PSKH1: variants seen among roughly 807,000 people sequenced by gnomAD.
PSKH1 encodes protein serine kinase H1.
In PSKH1, 12 loss-of-function variants were observed where a neutral mutation model predicts 26.7. That is an observed-to-expected ratio of 0.45 (90% CI 0.29 to 0.73). The LOEUF (loss-of-function observed/expected upper bound fraction) is 0.73. Among genes scored for constraint, PSKH1 ranks in the 30% least tolerant of loss-of-function variants. PSKH1 has a pLI of 0.11. For missense variants in PSKH1, 431 were observed against 595.2 expected, an observed-to-expected ratio of 0.72 and a Z score of 2.87; for synonymous variants, 213 against 234.3, an observed-to-expected ratio of 0.91 and a Z score of 0.83.
rs188399623 is a variant in PSKH1 at position 67,919,950 on chromosome 16, C to T, written c.958-7375C>T. On this transcript the variant is annotated intron_variant, in intron 2 of 2. Coordinates refer to ENST00000291041, the MANE Select transcript of PSKH1 (RefSeq NM_006742.3). ...CTGTAGTGGCAGGAGCAGACCCACC[C>T]GCCACGCTGCTGCATTCAGCCGTTC... 6.7e-3 allele frequency among the ~76,000 whole-genome samples: 1,016 copies of T among 152,318 alleles called. 6 individuals carry two copies. Among genetic ancestry groups the T allele is most frequent in the Non-Finnish European group, 0.011 (725 of 68,022 alleles).
intron 2 of PSKH1, among the ~76,000 whole-genome samples, chr16:67,918,372 G>T (rs2058193304): frequency 6.6e-6 from 1 of 151,942 alleles, no homozygotes; most frequent in Non-Finnish European, 1.5e-5. Flanking sequence ...AGGTGGGCTT[G>T]GGTAGAATTT....
chr16:67,915,081 C>T (rs890102300), intron 2 of PSKH1, among the ~76,000 whole-genome samples: 1 of 152,046 alleles, frequency 6.6e-6, no homozygotes, highest in Non-Finnish European at 1.5e-5. Flanking sequence ...GGTTCCTGCC[C>T]GCTCCTACTG....
At chr16:67,910,429 C>A (rs1447265550) in intron 2 of PSKH1, among the ~76,000 whole-genome samples, 2 of 152,208 alleles carry the variant, frequency 1.3e-5, no homozygotes, top group Non-Finnish European at 2.9e-5. Flanking sequence ...CCAGTTTCAC[C>A]ACACAATGAG....
intron 2 of PSKH1, chr16:67,910,104 TG>T: frequency 7.4e-6 from 3 of 404,500 alleles, no homozygotes; most frequent in Non-Finnish European, 1.3e-5. Flanking sequence ...CTTTTTGTTT[TG>T]TTTTTTTTTT....
chr16:67,904,072 G>A (rs2058149210), intron 1 of PSKH1, among the ~76,000 whole-genome samples: 1 of 150,252 alleles, frequency 6.7e-6, no homozygotes. Context: ...CTGGAATGCA[G>A]TGGCATGATC....
intron 1 of PSKH1, among the ~76,000 whole-genome samples, chr16:67,904,794 C>T (rs1288297535): frequency 6.6e-6 from 1 of 151,440 alleles, no homozygotes; most frequent in African/African-American, 2.4e-5. Context: ...GCCAATGGGA[C>T]ACCACACTCT....
chr16:67,894,379 G>A (rs1038965519), intron 1 of PSKH1, among the ~76,000 whole-genome samples: 44 of 152,134 alleles, frequency 2.9e-4, no homozygotes, highest in Non-Finnish European at 5.0e-4. Context: ...GGCTTCAAGA[G>A]ACCCTCCTGC....
chr16:67,915,770 G>A (rs2058186094), intron 2 of PSKH1, among the ~76,000 whole-genome samples: 1 of 152,160 alleles, frequency 6.6e-6, no homozygotes, highest in South Asian at 2.1e-4. Context: ...CAGCAACCTG[G>A]CATGCTTTTA....
At position 67,909,010 on chromosome 16, in the gene PSKH1, G is replaced by A. The variant is rs749906120; in HGVS notation, c.261G>A (p.Arg87=). The change falls in exon 2 of 3, where the codon AGG becomes AGA. Residue 87 remains arginine, a synonymous_variant. Coordinates refer to ENST00000291041, the MANE Select transcript of PSKH1 (RefSeq NM_006742.3). The surrounding 1 kb of genome is among the most constrained non-coding windows in gnomAD (Gnocchi z 7.8). ...PPRRARVAKY[R]AKFDPRVTAK... ...GCAGGGCCAGGGTAGCTAAGTACAGGGCCAAGTTTGACCCACGTGTTACAG... is the reference window on the plus strand; with the variant it reads ...GCAGGGCCAGGGTAGCTAAGTACAGAGCCAAGTTTGACCCACGTGTTACAG... 2 of 1,614,142 alleles carry A rather than the reference G, an allele frequency of 1.2e-6. No individual in the cohort carries two copies. The highest frequency in any genetic ancestry group is 1.1e-5 in the South Asian group (1 of 91,088).
chr16:67,898,420 C>CT (rs879865004), intron 1 of PSKH1, among the ~76,000 whole-genome samples: 115 of 145,262 alleles, frequency 7.9e-4, no homozygotes, highest in Middle Eastern at 3.6e-3. Context: ...AAAGAAAAAA[C>CT]TTTTTTTTTT....
chr16:67,904,866 G>A (rs758684982), intron 1 of PSKH1, among the ~76,000 whole-genome samples: 106 of 132,096 alleles, frequency 8.0e-4, no homozygotes, highest in Admixed American at 1.4e-3. Flanking sequence ...TCGCTCTGTC[G>A]CCCAGGCTAG....
At position 67,909,778 on chromosome 16, in the gene PSKH1, A is replaced by G; in HGVS notation, c.957+72A>G. 7.2e-7 allele frequency: 1 copy of G among 1,390,224 alleles called. No homozygotes were observed. Among genetic ancestry groups the G allele is most frequent in the Non-Finnish European group, 9.9e-7 (1 of 1,010,210 alleles). 86.1% of individuals were successfully genotyped at this position (1,390,224 alleles called of 1,614,324 possible). On this transcript the variant is annotated intron_variant, in intron 2 of 2. Coordinates refer to ENST00000291041, the MANE Select transcript of PSKH1 (RefSeq NM_006742.3). The surrounding 1 kb of genome is among the most constrained non-coding windows in gnomAD (Gnocchi z 7.8). Reference sequence around the variant, plus strand: ...GGGGCAGGTATATCCTGCAGCTCTCAGTCAGAGGTATGTCCTCAGGGCCAT... The same window carrying G: ...GGGGCAGGTATATCCTGCAGCTCTCGGTCAGAGGTATGTCCTCAGGGCCAT...
intron 2 of PSKH1, among the ~76,000 whole-genome samples, chr16:67,919,401 A>C (rs73594575): frequency 0.052 from 7,847 of 152,200 alleles, 575 homozygotes; most frequent in African/African-American, 0.17. Flanking sequence ...ATTCTTTGCT[A>C]TGAGGCATCT....
intron 1 of PSKH1, among the ~76,000 whole-genome samples, chr16:67,895,942 C>A (rs1448374556): frequency 6.6e-6 from 1 of 152,048 alleles, no homozygotes. Context: ...TTTCCTTATT[C>A]CAAAATAGGA....
intron 2 of PSKH1, among the ~76,000 whole-genome samples, chr16:67,911,277 C>A (rs1229778885): frequency 6.6e-6 from 1 of 152,170 alleles, no homozygotes; most frequent in African/African-American, 2.4e-5. Flanking sequence ...TCTTGTAAAT[C>A]TTCTGTGGAG....
At chr16:67,894,476 A>C (rs1345148597) in intron 1 of PSKH1, among the ~76,000 whole-genome samples, 1 of 152,176 alleles carries the variant, frequency 6.6e-6, no homozygotes, top group Non-Finnish European at 1.5e-5. Context: ...CAGTTTTCTC[A>C]GTTTGCTATA....
rs192629945 is a variant in PSKH1, at chr16:67,909,539, A to C, written c.790A>C (p.Ile264Leu). Reference protein sequence around the residue: ...MKTTCGTPEYIAPEVLVRKPY... With the variant: ...MKTTCGTPEYLAPEVLVRKPY... ...GACCACCTGTGGCACGCCTGAGTAC[A>C]TTGCCCCAGAAGTCCTGGTCCGCAA... Residue 264 changes from isoleucine (I) to leucine (L), a missense_variant, in exon 2 of 3, where the codon ATT becomes CTT. Coordinates refer to ENST00000291041, the MANE Select transcript of PSKH1 (RefSeq NM_006742.3). The surrounding 1 kb of genome is among the most constrained non-coding windows in gnomAD (Gnocchi z 7.8). 32 of 1,613,854 alleles carry C rather than the reference A, an allele frequency of 2.0e-5. No individual in the cohort carries two copies. Among genetic ancestry groups the C allele is most frequent in the Non-Finnish European group, 2.6e-5 (31 of 1,180,020 alleles).
rs186670998 is a variant in PSKH1 at position 67,906,142 on chromosome 16, C to T, written c.-70-2538C>T. Among the ~76,000 whole-genome samples, 637 of 149,422 alleles carry T rather than the reference C, an allele frequency of 4.3e-3. 6 individuals carry two copies. Among genetic ancestry groups the T allele is most frequent in the African/African-American group, 0.015 (621 of 40,646 alleles). Reference sequence around the variant, plus strand: ...AGGCTGGAGTGCAATCACGCGATCTCGGCTACTCTAACCTCCGCCTCCCGG... The same window carrying T: ...AGGCTGGAGTGCAATCACGCGATCTTGGCTACTCTAACCTCCGCCTCCCGG... On this transcript the variant is annotated intron_variant, in intron 1 of 2. Transcript: ENST00000291041.
chr16:67,916,259 C>T (rs1258660944), intron 2 of PSKH1, among the ~76,000 whole-genome samples: 1 of 152,172 alleles, frequency 6.6e-6, no homozygotes, highest in African/African-American at 2.4e-5. Flanking sequence ...ATGCATTCTT[C>T]ACCAGCGAGT....
Sources: gnomAD v4.1 joint callset for allele counts (sites outside exome capture counted in the v4.1 genomes callset) on GRCh38, gnomAD v4.1.1 for gene constraint, Gnocchi (gnomAD v3.1) non-coding constraint, MANE v1.5 for transcripts, NCBI Gene and HGNC (gene_info 2026-07-23, HGNC 2026-07-21) for gene names.